Variants in C2orf72 observed in about 807,000 individuals in gnomAD.
The protein encoded by C2orf72 is uncharacterized protein C2orf72.
Under a neutral mutation model 14.4 loss-of-function variants are expected in C2orf72, and 16 were observed. That is an observed-to-expected ratio of 1.11 (90% CI 0.75 to 1.69). C2orf72 has a LOEUF of 1.69. C2orf72 is among the 40% of genes most tolerant of loss of function. The pLI is 0.00. For missense variants in C2orf72, 371 were observed against 358.3 expected, an observed-to-expected ratio of 1.04 and a Z score of -0.29; for synonymous variants, 168 against 176.8, an observed-to-expected ratio of 0.95 and a Z score of 0.40.
chr2:231,037,659 C>T lies in C2orf72; in HGVS notation c.94C>T (p.Gln32Ter). ...GGTGGAAGCGGCGGGGGGCCGCGGG[C>T]AGGTGCTGCTGGTGGGCGAGCTGTG... is the stretch of plus-strand genomic sequence containing the variant. ...ALVEAAGGRG[Q>*]VLLVGELWER... The change falls in exon 1 of 3, where the codon CAG becomes TAG. Residue 32 changes from glutamine to a stop codon, truncating the protein, a stop_gained. Coordinates refer to ENST00000373640, the MANE Select transcript of C2orf72 (RefSeq NM_001144994.2). LOFTEE classifies it high-confidence loss of function. 1.8e-6 allele frequency: 2 copies of T among 1,118,336 alleles called. No individual in the cohort carries two copies. Among genetic ancestry groups the T allele is most frequent in the Non-Finnish European group, 2.2e-6 (2 of 911,988 alleles). 69.3% of individuals were successfully genotyped at this position (1,118,336 alleles called of 1,614,324 possible).
chr2:231,037,539 G>A lies in C2orf72; in HGVS notation c.-27G>A, dbSNP rs1394658814. The A allele has an allele frequency of 4.0e-6, 4 of 1,000,402 alleles. No homozygotes were observed. Among genetic ancestry groups the A allele is most frequent in the South Asian group, 4.5e-5 (1 of 22,174 alleles). The allele number at this position is 1,000,402 out of a possible 1,614,324, so 62.0% of individuals were successfully genotyped here. ...GCAGCGGGTGCGCCCGGGCCGCGGC[G>A]GCCGCAGAGGGCGGGCGGCGGCCAG... On this transcript the variant is annotated 5_prime_UTR_variant, in exon 1 of 3. Coordinates refer to ENST00000373640, the MANE Select transcript of C2orf72 (RefSeq NM_001144994.2).
rs1693441247 is a variant in C2orf72 at position 231,048,005 on chromosome 2, G to A, written c.*984G>A. 6.6e-6 allele frequency: 1 copy of A among 152,264 alleles called. No homozygotes were observed. The highest frequency in any genetic ancestry group is 1.5e-5 in the Non-Finnish European group (1 of 68,068). The allele number at this position is 152,264 out of a possible 1,614,324, so 9.4% of individuals were successfully genotyped here. On this transcript the variant is annotated 3_prime_UTR_variant, in exon 3 of 3. Transcript: ENST00000373640. Reference sequence around the variant, plus strand: ...GAAAGCTAGGGGCTTGGACTACTGGGTATAGGACTTGCTCTAGCTCTCAGG... The same window carrying A: ...GAAAGCTAGGGGCTTGGACTACTGGATATAGGACTTGCTCTAGCTCTCAGG...
chr2:231,045,510 C>CTTTTTTTTTTTT (rs1007020692), intron 2 of C2orf72, among the ~76,000 whole-genome samples: 5 of 87,408 alleles, frequency 5.7e-5, no homozygotes, highest in African/African-American at 1.4e-4. Context: ...GTGTTTCAAT[C>CTTTTTTTTTTTT]TTTTTTTTTT....
chr2:231,041,079 A>T (rs1226008080), intron 1 of C2orf72: 1 of 468,690 alleles, frequency 2.1e-6, no homozygotes, highest in African/African-American at 2.0e-5. Context: ...TTTTGTAAGA[A>T]TTAAATGAGA....
chr2:231,045,996 G>A (rs1693410144), intron 2 of C2orf72, among the ~76,000 whole-genome samples: 1 of 152,038 alleles, frequency 6.6e-6, no homozygotes, highest in African/African-American at 2.4e-5. Context: ...CTTTTTTGAG[G>A]TAATTCTAAA....
At position 231,049,324 on chromosome 2, in the gene C2orf72, A is replaced by C. The variant is rs1483427079; in HGVS notation, c.*2303A>C. 6.6e-6 allele frequency: 1 copy of C among 152,250 alleles called. No individual in the cohort carries two copies. The highest frequency in any genetic ancestry group is 1.5e-5 in the Non-Finnish European group (1 of 68,054). 9.4% of individuals were successfully genotyped at this position (152,250 alleles called of 1,614,324 possible). A position where few individuals can be genotyped will look rare whatever the true frequency, so the allele number is the denominator to read the frequency against. The stretch of plus-strand genomic sequence containing the variant: ...TACTAAGATTTGGGTTCTGCCTCCC[A>C]AGTGACAATACGGGGCTGAGATCCC... On this transcript the variant is annotated 3_prime_UTR_variant, in exon 3 of 3. Coordinates refer to ENST00000373640, the MANE Select transcript of C2orf72 (RefSeq NM_001144994.2).
At chr2:231,040,630 GTT>G (rs1460320045) in intron 1 of C2orf72, among the ~76,000 whole-genome samples, 3 of 152,188 alleles carry the variant, frequency 2.0e-5, no homozygotes, top group African/African-American at 7.2e-5. Flanking sequence ...TTTTTTTAAA[GTT>G]TTCCAATTTC....
chr2:231,039,977 A>C (rs1693318748), intron 1 of C2orf72, among the ~76,000 whole-genome samples: 2 of 151,990 alleles, frequency 1.3e-5, no homozygotes, highest in Admixed American at 1.3e-4. Flanking sequence ...TCCTGACCTC[A>C]AGTGATCCAC....
rs922071392 is a variant in C2orf72, at chr2:231,046,918, C to T, written c.785C>T (p.Thr262Ile). 6.4e-7 allele frequency: 1 copy of T among 1,551,620 alleles called. No individual in the cohort carries two copies. Among genetic ancestry groups the T allele is most frequent in the Middle Eastern group, 1.7e-4 (1 of 5,992 alleles). The change falls in exon 3 of 3, where the codon ACA (threonine) becomes ATA (isoleucine). Residue 262 changes from threonine (T) to isoleucine (I), a missense_variant. Coordinates refer to ENST00000373640, the MANE Select transcript of C2orf72 (RefSeq NM_001144994.2). The part of the protein sequence containing the change: ...FQEPEEELPL[T>I]AIFPNGDCDD... ...GAACCTGAGGAGGAGCTGCCACTAA[C>T]AGCCATATTTCCCAATGGAGACTGT...
chr2:231,043,873 A>G (rs60587350), intron 2 of C2orf72, among the ~76,000 whole-genome samples: 2,191 of 152,346 alleles, frequency 0.014, 60 homozygotes, highest in African/African-American at 0.05. Flanking sequence ...TCTGAAAAAT[A>G]CATCTTTAGG....
intron 1 of C2orf72, 30 bp from the exon 2 acceptor site, chr2:231,041,266 C>A: frequency 6.7e-7 from 1 of 1,487,680 alleles, no homozygotes; most frequent in Admixed American, 2.1e-5. Context: ...ACCATGTGAC[C>A]CTCTGACTCA....
Position 231,049,635 on chromosome 2 carries a change from G to C in C2orf72, c.*2614G>C, listed in dbSNP as rs1467603949. ...TACTAATCTTTCTAATATGGCAGTG[G>C]TTGTGGCACTTCTGACTTGAATTGA... On this transcript the variant is annotated 3_prime_UTR_variant, in exon 3 of 3. Transcript: ENST00000373640. 1 of 152,240 alleles carries C rather than the reference G, an allele frequency of 6.6e-6. No individual in the cohort carries two copies. The highest frequency in any genetic ancestry group is 1.5e-5 in the Non-Finnish European group (1 of 68,058). The allele number at this position is 152,240 out of a possible 1,614,324, so 9.4% of individuals were successfully genotyped here.
intron 1 of C2orf72, among the ~76,000 whole-genome samples, chr2:231,038,879 G>A (rs1383261886): frequency 1.3e-5 from 2 of 152,086 alleles, no homozygotes; most frequent in East Asian, 1.9e-4. Context: ...GTCTGCTGAG[G>A]CCACCTTTTC....
chr2:231,037,968 C>T lies in C2orf72; in HGVS notation c.403C>T (p.Arg135Trp), dbSNP rs1325053567. 1 of 1,020,196 alleles carries T rather than the reference C, an allele frequency of 9.8e-7. No homozygotes were observed. The allele number at this position is 1,020,196 out of a possible 1,614,324, so 63.2% of individuals were successfully genotyped here. Residue 135 changes from arginine to tryptophan, a missense_variant, in exon 1 of 3, where the codon CGG becomes TGG. Arg to Trp is a moderately radical substitution (Grantham distance 101). Transcript: ENST00000373640. Reference protein sequence around the residue: ...LREMLRDVRGRRRAGAALVGV... With the variant: ...LREMLRDVRGWRRAGAALVGV... ...GGAGATGCTGCGGGACGTGCGCGGC[C>T]GGCGGCGGGCCGGGGCGGCGCTGGT...
chr2:231,043,546 A>G (rs1026072667), intron 2 of C2orf72, among the ~76,000 whole-genome samples: 4 of 152,238 alleles, frequency 2.6e-5, no homozygotes, highest in African/African-American at 9.6e-5. Flanking sequence ...TCACTTCTAT[A>G]TCATCTTCAA....
rs199880147 is a variant in C2orf72 at position 231,038,589 on chromosome 2, G to GTGGA, written c.634+394_634+397dup. On this transcript the variant is annotated intron_variant, in intron 1 of 2. Transcript: ENST00000373640. ...CTTGGGATGGGAAAGTTTCAAGGGGGTGGATGGGTGCTAAGGAGATTGGCG... is the reference window on the plus strand; with the variant it reads ...CTTGGGATGGGAAAGTTTCAAGGGGGTGGATGGATGGGTGCTAAGGAGATTGGCG... Among the ~76,000 whole-genome samples the GTGGA allele has an allele frequency of 5.9e-3, 903 of 152,132 alleles. 12 individuals carry two copies. Among genetic ancestry groups the GTGGA allele is most frequent in the African/African-American group, 0.02 (846 of 41,448 alleles).
At chr2:231,040,779 C>T (rs543325026) in intron 1 of C2orf72, among the ~76,000 whole-genome samples, 209 of 152,180 alleles carry the variant, frequency 1.4e-3, no homozygotes, top group African/African-American at 4.5e-3. Context: ...CCTTTGGGTG[C>T]GGGTTAAGAG....
intron 1 of C2orf72, among the ~76,000 whole-genome samples, chr2:231,040,908 T>C (rs1693332084): frequency 6.6e-6 from 1 of 152,228 alleles, no homozygotes; most frequent in Non-Finnish European, 1.5e-5. Flanking sequence ...ACTTTATAGA[T>C]TACTAAAAAA....
intron 2 of C2orf72, among the ~76,000 whole-genome samples, chr2:231,043,179 C>A (rs6436995): frequency 0.16 from 24,696 of 152,136 alleles, 2,124 homozygotes; most frequent in African/African-American, 0.2. Context: ...GCAGGAGAAC[C>A]CCGCTCTCCA....
Sources: allele counts gnomAD v4.1 joint callset (sites outside exome capture counted in the v4.1 genomes callset), GRCh38; gene constraint gnomAD v4.1.1; transcripts MANE v1.5; gene names NCBI Gene and HGNC (gene_info 2026-07-23, HGNC 2026-07-21).